Variants in NALF1 observed in about 807,000 individuals in gnomAD.
NALF1 encodes the protein NALCN channel auxiliary factor 1.
Under a neutral mutation model 48.4 loss-of-function variants are expected in NALF1, and 3 were observed. The observed-to-expected ratio is 0.06, with a 90% CI of 0.03 to 0.16. The LOEUF (loss-of-function observed/expected upper bound fraction) is 0.16, where lower values mean the gene tolerates loss of function less well. Among genes scored for constraint, NALF1 ranks in the 10% least tolerant of loss-of-function variants. The pLI, the probability that NALF1 is intolerant of heterozygous loss-of-function variation, is 1.00. For synonymous variants in NALF1, 262 were observed against 245.7 expected, an observed-to-expected ratio of 1.07 and a Z score of -0.62; for missense variants, 526 against 571.5, an observed-to-expected ratio of 0.92 and a Z score of 0.81.
chr13:107,852,891 G>A (rs1880353050), intron 1 of NALF1, among the ~76,000 whole-genome samples: 1 of 152,160 alleles, frequency 6.6e-6, no homozygotes, highest in Non-Finnish European at 1.5e-5. Flanking sequence ...TCGGTCAGAG[G>A]TAGGAAACAG....
At chr13:107,200,514 CTCTT>C (rs1170833397) in intron 2 of NALF1, among the ~76,000 whole-genome samples, 1 of 152,210 alleles carries the variant, frequency 6.6e-6, no homozygotes, top group African/African-American at 2.4e-5. Context: ...AATGCACAGA[CTCTT>C]TCATCCGTCT....
intron 1 of NALF1, among the ~76,000 whole-genome samples, chr13:107,624,882 G>A (rs1879625447): frequency 6.6e-6 from 1 of 152,110 alleles, no homozygotes; most frequent in African/African-American, 2.4e-5. Context: ...TCAAAATCTT[G>A]GAGGAAAACA....
At chr13:107,636,230 T>C (rs985763686) in intron 1 of NALF1, among the ~76,000 whole-genome samples, 1 of 152,118 alleles carries the variant, frequency 6.6e-6, no homozygotes, top group Admixed American at 6.5e-5. Context: ...GGCCGAATTA[T>C]TGAATCCATT....
intron 1 of NALF1, among the ~76,000 whole-genome samples, chr13:107,647,762 G>A (rs1457814597): frequency 1.3e-5 from 2 of 151,962 alleles, no homozygotes; most frequent in African/African-American, 4.8e-5. Flanking sequence ...TATATTATGG[G>A]TGTATAGTAA....
At chr13:107,674,303 T>G (rs1319410144) in intron 1 of NALF1, among the ~76,000 whole-genome samples, 1 of 152,180 alleles carries the variant, frequency 6.6e-6, no homozygotes, top group African/African-American at 2.4e-5. Context: ...AATTCTATTA[T>G]CCAAAACACA....
intron 1 of NALF1, among the ~76,000 whole-genome samples, chr13:107,537,051 C>A (rs918119230): frequency 5.3e-5 from 8 of 151,818 alleles, no homozygotes; most frequent in Non-Finnish European, 1.2e-4. Context: ...GGACACAGGG[C>A]GGGGAACATC....
intron 1 of NALF1, among the ~76,000 whole-genome samples, chr13:107,392,788 A>G (rs1883649625): frequency 6.6e-6 from 1 of 152,156 alleles, no homozygotes; most frequent in African/African-American, 2.4e-5. Flanking sequence ...CAGCATCACA[A>G]AACCTGTTTG....
intron 1 of NALF1, among the ~76,000 whole-genome samples, chr13:107,423,227 C>T (rs1375653762): frequency 6.6e-6 from 1 of 152,112 alleles, no homozygotes; most frequent in East Asian, 1.9e-4. Flanking sequence ...TTACTGTTGA[C>T]TTAATGAAGG....
At chr13:107,603,351 A>G (rs1188138590) in intron 1 of NALF1, among the ~76,000 whole-genome samples, 1 of 152,206 alleles carries the variant, frequency 6.6e-6, no homozygotes, top group Non-Finnish European at 1.5e-5. Flanking sequence ...GTGCTAGCCA[A>G]AATTGCTCAA....
At chr13:107,558,288 T>C (rs1168810625) in intron 1 of NALF1, among the ~76,000 whole-genome samples, 1 of 152,206 alleles carries the variant, frequency 6.6e-6, no homozygotes, top group Non-Finnish European at 1.5e-5. Context: ...TCATTACTTC[T>C]AATTGTACAT....
rs1318005952 is a variant in NALF1 at position 107,164,275 on chromosome 13, A to C, written c.*6222T>G. The C allele has an allele frequency of 6.6e-6, 1 of 152,220 alleles. No individual in the cohort carries two copies. Among genetic ancestry groups the C allele is most frequent in the African/African-American group, 2.4e-5 (1 of 41,464 alleles). The allele number at this position is 152,220 out of a possible 1,614,324, so 9.4% of individuals were successfully genotyped here. Reference sequence around the variant, plus strand: ...TAGATACAAATCAATGAAATAATTTACTCAAGAGCCCTGCTTAATCTATTT... The same window carrying C: ...TAGATACAAATCAATGAAATAATTTCCTCAAGAGCCCTGCTTAATCTATTT... On this transcript the variant is annotated 3_prime_UTR_variant, in exon 3 of 3. Transcript: ENST00000375915.
chr13:107,483,120 G>T (rs1885278984), intron 1 of NALF1, among the ~76,000 whole-genome samples: 1 of 152,144 alleles, frequency 6.6e-6, no homozygotes, highest in Admixed American at 6.6e-5. Context: ...CACTGATTAT[G>T]TCTGTTTTTA....
rs528991838 is a variant in NALF1, at chr13:107,250,121, T to C, written c.916-39366A>G. Reference sequence around the variant, plus strand: ...TTTTTTTCCCAAGTTCCCTAGTTAATATTAATATGCAGCCAGGGTTCAGAA... The same window carrying C: ...TTTTTTTCCCAAGTTCCCTAGTTAACATTAATATGCAGCCAGGGTTCAGAA... On this transcript the variant is annotated intron_variant, in intron 1 of 2. Coordinates refer to ENST00000375915, the MANE Select transcript of NALF1 (RefSeq NM_001080396.3). 1.3e-4 allele frequency among the ~76,000 whole-genome samples: 19 copies of C among 151,528 alleles called. No individual in the cohort carries two copies. In the South Asian group the frequency reaches 4.0e-3, roughly 32 times the overall value.
intron 1 of NALF1, among the ~76,000 whole-genome samples, chr13:107,535,860 T>C (rs944867559): frequency 6.6e-6 from 1 of 152,186 alleles, no homozygotes; most frequent in Non-Finnish European, 1.5e-5. Flanking sequence ...AACAGCATGG[T>C]ACTGGTACCA....
chr13:107,455,900 T>C (rs1884816992), intron 1 of NALF1, among the ~76,000 whole-genome samples: 1 of 152,116 alleles, frequency 6.6e-6, no homozygotes, highest in Admixed American at 6.5e-5. Flanking sequence ...GGTTCATTGT[T>C]AGGATGTGCC....
chr13:107,479,192 A>T (rs1343840049), intron 1 of NALF1, among the ~76,000 whole-genome samples: 1 of 152,080 alleles, frequency 6.6e-6, no homozygotes, highest in Non-Finnish European at 1.5e-5. Context: ...CCCTGCCCAG[A>T]CACTCTAGTT....
At chr13:107,721,696 G>A (rs1362165125) in intron 1 of NALF1, among the ~76,000 whole-genome samples, 1 of 152,106 alleles carries the variant, frequency 6.6e-6, no homozygotes, top group Non-Finnish European at 1.5e-5. Context: ...TTCCCAGGGA[G>A]GGATGGACGC....
At chr13:107,723,355 T>C (rs561839098) in intron 1 of NALF1, among the ~76,000 whole-genome samples, 2 of 152,222 alleles carry the variant, frequency 1.3e-5, no homozygotes, top group Admixed American at 6.5e-5. Flanking sequence ...AGCTCAAAGA[T>C]TGACTACCCT....
chr13:107,848,869 C>T (rs1389861521), intron 1 of NALF1, among the ~76,000 whole-genome samples: 2 of 152,156 alleles, frequency 1.3e-5, no homozygotes, highest in African/African-American at 4.8e-5. Context: ...GCATTACCGA[C>T]CTGACAGGAA....
Sources: allele counts gnomAD v4.1 joint callset (sites outside exome capture counted in the v4.1 genomes callset), GRCh38; gene constraint gnomAD v4.1.1; transcripts MANE v1.5; gene names NCBI Gene and HGNC (gene_info 2026-07-23, HGNC 2026-07-21).